The following SNX29 variants were observed in gnomAD, a reference collection of about 807,000 sequenced individuals.
The protein encoded by SNX29 is sorting nexin-29.
In SNX29, 78 loss-of-function variants were observed where a neutral mutation model predicts 102.1. The ratio of observed to expected loss-of-function variants is 0.76; its 90% CI spans 0.64 to 0.92. The LOEUF (loss-of-function observed/expected upper bound fraction) is 0.92. Ranked by LOEUF, SNX29 falls within the 40% of genes least tolerant of loss-of-function variation. SNX29 has a pLI of 0.00. For synonymous variants in SNX29, 580 were observed against 414.5 expected (o/e 1.40, Z -4.85); for missense variants, 1,280 against 1,061.7 (o/e 1.21, Z -2.86).
rs975808716 is a variant in SNX29 at position 12,569,258 on chromosome 16, G to C, written c.*629G>C. 4 of 226,498 alleles carry C rather than the reference G, an allele frequency of 1.8e-5. No homozygotes were observed. The highest frequency in any genetic ancestry group is 3.5e-5 in the Non-Finnish European group (4 of 114,086). The allele number at this position is 226,498 out of a possible 1,614,324, so 14.0% of individuals were successfully genotyped here. ...TTTGGCAAGGAGCCATTAGTGATGT[G>C]CAACTTGAGTTCAGAGAACTTCCCC... is the stretch of plus-strand genomic sequence containing the variant. On this transcript the variant is annotated 3_prime_UTR_variant, in exon 21 of 21. Coordinates refer to ENST00000566228, the MANE Select transcript of SNX29 (RefSeq NM_032167.5).
At chr16:12,445,378 C>T (rs1304006661) in intron 18 of SNX29, among the ~76,000 whole-genome samples, 3 of 152,106 alleles carry the variant, frequency 2.0e-5, no homozygotes, top group Admixed American at 6.5e-5. Context: ...TATGCTGAGC[C>T]GTCCTCCATT....
At chr16:12,354,303 G>A (rs112105774) in intron 15 of SNX29, among the ~76,000 whole-genome samples, 2,992 of 152,252 alleles carry the variant, frequency 0.02, 93 homozygotes, top group African/African-American at 0.069. Flanking sequence ...GAAATTATTT[G>A]ATCAAATTTT....
chr16:12,247,397 C>T (rs953892128), intron 14 of SNX29, among the ~76,000 whole-genome samples: 17 of 152,260 alleles, frequency 1.1e-4, no homozygotes, highest in Non-Finnish European at 1.8e-4. Context: ...TCTTATGGCC[C>T]GCACAGTCTA....
At chr16:12,042,834 G>A (rs896760624) in intron 4 of SNX29, 63 bp from the exon 5 acceptor site, 1 of 1,519,406 alleles carries the variant, frequency 6.6e-7, no homozygotes, top group Non-Finnish European at 8.9e-7. Context: ...GGCTTTGTGT[G>A]TTCCTCTCCC....
intron 14 of SNX29, among the ~76,000 whole-genome samples, chr16:12,223,291 C>G (rs564791434): frequency 6.6e-6 from 1 of 152,020 alleles, no homozygotes; most frequent in African/African-American, 2.4e-5. Flanking sequence ...TTTGGGAGGC[C>G]GAGGCTGGAG....
intron 18 of SNX29, among the ~76,000 whole-genome samples, chr16:12,446,671 G>A (rs2151696179): frequency 6.6e-6 from 1 of 152,266 alleles, no homozygotes; most frequent in African/African-American, 2.4e-5. Flanking sequence ...AGCTCCTGTT[G>A]ACTTTCCTCT....
rs139330916 is a variant in SNX29 at position 12,519,391 on chromosome 16, C to T, written c.2179-5311C>T. ...CACTGTAACTCGTCTTTTAAAATTC[C>T]AGAAGCAGCAGGCACATTTGAAAAC... On this transcript the variant is annotated intron_variant, in intron 19 of 20. Coordinates refer to ENST00000566228, the MANE Select transcript of SNX29 (RefSeq NM_032167.5). 5.0e-3 allele frequency among the ~76,000 whole-genome samples: 761 copies of T among 152,242 alleles called. 5 individuals carry two copies. The highest frequency in any genetic ancestry group is 0.017 in the African/African-American group (721 of 41,536).
chr16:12,027,530 G>A, intron 4 of SNX29, 86 bp downstream of exon 4: 1 of 1,529,468 alleles, frequency 6.5e-7, no homozygotes, highest in Non-Finnish European at 8.8e-7. Context: ...AGTGGGCAGG[G>A]CAGTGATCGC....
chr16:12,511,760 A>G (rs879730678), intron 19 of SNX29, among the ~76,000 whole-genome samples: 12 of 151,932 alleles, frequency 7.9e-5, no homozygotes, highest in Admixed American at 2.0e-4. Context: ...TGGGGCTATG[A>G]TCTGTCATCC....
At chr16:12,446,658 T>C (rs546411783) in intron 18 of SNX29, among the ~76,000 whole-genome samples, 1 of 152,164 alleles carries the variant, frequency 6.6e-6, no homozygotes, top group African/African-American at 2.4e-5. Context: ...TTCATGGCAG[T>C]GGAGCTCCTG....
chr16:11,981,131 C>G (rs1456128734), intron 1 of SNX29, among the ~76,000 whole-genome samples: 1 of 152,004 alleles, frequency 6.6e-6, no homozygotes, highest in Non-Finnish European at 1.5e-5. Context: ...CCACACCCAG[C>G]TAACTTTTTT....
intron 15 of SNX29, among the ~76,000 whole-genome samples, chr16:12,289,956 C>T (rs1372426709): frequency 6.6e-6 from 1 of 152,080 alleles, no homozygotes; most frequent in Non-Finnish European, 1.5e-5. Context: ...AGCCTGCAGG[C>T]AACATAAAGG....
chr16:12,536,193 G>A (rs115983779), intron 20 of SNX29, among the ~76,000 whole-genome samples: 1,967 of 152,228 alleles, frequency 0.013, 36 homozygotes, highest in African/African-American at 0.045. Flanking sequence ...AGAAGATAAA[G>A]GAGGTTACGG....
intron 14 of SNX29, among the ~76,000 whole-genome samples, chr16:12,251,575 C>T (rs183629936): frequency 6.6e-5 from 10 of 151,944 alleles, no homozygotes; most frequent in South Asian, 2.1e-4. Context: ...TGGTGGCACG[C>T]GCCTGTAGTC....
intron 3 of SNX29, among the ~76,000 whole-genome samples, chr16:12,011,304 C>T (rs754281599): frequency 1.4e-5 from 2 of 145,944 alleles, no homozygotes; most frequent in Non-Finnish European, 3.0e-5. Flanking sequence ...GAGACAGGAT[C>T]GCACTCTGTC....
chr16:12,414,959 A>G (rs577381637), intron 18 of SNX29, among the ~76,000 whole-genome samples: 1 of 152,114 alleles, frequency 6.6e-6, no homozygotes, highest in African/African-American at 2.4e-5. Flanking sequence ...CTAACCTCAA[A>G]TGATCCACCT....
At chr16:12,553,371 C>G (rs557644814) in intron 20 of SNX29, among the ~76,000 whole-genome samples, 1 of 152,226 alleles carries the variant, frequency 6.6e-6, no homozygotes, top group Admixed American at 6.5e-5. Flanking sequence ...GCTTGCCAGA[C>G]ATGCTCTCAA....
chr16:12,362,710 C>T (rs1170990482), intron 16 of SNX29, among the ~76,000 whole-genome samples: 2 of 151,938 alleles, frequency 1.3e-5, no homozygotes, highest in Non-Finnish European at 2.9e-5. Context: ...TCAACGCTTC[C>T]TCAGGAATCC....
chr16:12,258,206 C>A (rs2078631010), intron 14 of SNX29, among the ~76,000 whole-genome samples: 1 of 152,188 alleles, frequency 6.6e-6, no homozygotes, highest in African/African-American at 2.4e-5. Flanking sequence ...GAAGTTTCCC[C>A]TGCAGCCTCC....
Sources: allele counts gnomAD v4.1 joint callset (sites outside exome capture counted in the v4.1 genomes callset), GRCh38; gene constraint gnomAD v4.1.1; transcripts MANE v1.5; gene names NCBI Gene and HGNC (gene_info 2026-07-23, HGNC 2026-07-21).